The following PLCB1 variants were observed in gnomAD, a reference collection of about 807,000 sequenced individuals.
PLCB1 encodes the protein phospholipase C beta 1.
Under a neutral mutation model 161.8 loss-of-function variants are expected in PLCB1, and 46 were observed. That is an observed-to-expected ratio of 0.28 (90% CI 0.22 to 0.36). PLCB1 has a LOEUF of 0.36. PLCB1 is among the 10% of genes least tolerant of loss of function. The probability of loss-of-function intolerance (pLI) is 1.00; values close to 1 mark genes in which losing one functional copy is unlikely to be tolerated. For synonymous variants in PLCB1, 517 were observed against 503.7 expected (o/e 1.03, Z -0.35); for missense variants, 1,016 against 1,472.5 (o/e 0.69, Z 5.07).
chr20:8,318,701 T>C (rs1257428303), intron 2 of PLCB1, among the ~76,000 whole-genome samples: 2 of 152,184 alleles, frequency 1.3e-5, no homozygotes, highest in African/African-American at 4.8e-5. Context: ...TTTTTTGGGT[T>C]GTGTGACAAT....
Position 8,151,419 on chromosome 20 carries a change from A to G in PLCB1, c.177+1048A>G, listed in dbSNP as rs138298570. Among the ~76,000 whole-genome samples, 5 of 152,300 alleles carry G rather than the reference A, an allele frequency of 3.3e-5. No homozygotes were observed. The East Asian group carries it at 5.8e-4, about 18-fold the overall frequency. ...GCCACTCCTGAATGAGCCTGTTTAC[A>G]CATCATTCAAAAGGTGAATTTCAGT... On this transcript the variant is annotated intron_variant, in intron 2 of 31. Transcript: ENST00000338037.
intron 2 of PLCB1, among the ~76,000 whole-genome samples, chr20:8,310,223 A>G (rs914105431): frequency 1.3e-5 from 2 of 152,318 alleles, no homozygotes; most frequent in East Asian, 1.9e-4. Context: ...AAAGGAAATC[A>G]TGTTTTTAAA....
intron 3 of PLCB1, among the ~76,000 whole-genome samples, chr20:8,458,724 AT>A (rs1327848376): frequency 1.2e-4 from 19 of 152,348 alleles, no homozygotes; most frequent in Admixed American, 1.2e-3. Flanking sequence ...TGAGGTTGTC[AT>A]TCTGGACTCT....
At chr20:8,702,230 G>A (rs1297765919) in intron 11 of PLCB1, among the ~76,000 whole-genome samples, 1 of 152,052 alleles carries the variant, frequency 6.6e-6, no homozygotes, top group Non-Finnish European at 1.5e-5. Context: ...CTGTTTCAAT[G>A]CCTCATCACC....
chr20:8,239,193 A>G (rs1289245554), intron 2 of PLCB1, among the ~76,000 whole-genome samples: 2 of 152,016 alleles, frequency 1.3e-5, no homozygotes, highest in South Asian at 2.1e-4. Context: ...TGGACAGGGA[A>G]CTAACGCCTT....
chr20:8,840,175 C>G (rs1275102901), intron 31 of PLCB1, among the ~76,000 whole-genome samples: 1 of 152,094 alleles, frequency 6.6e-6, no homozygotes, highest in East Asian at 1.9e-4. Context: ...TCACAGGGCC[C>G]CTAAGTACTG....
intron 3 of PLCB1, among the ~76,000 whole-genome samples, chr20:8,534,870 C>T (rs936864179): frequency 2.0e-5 from 3 of 152,006 alleles, no homozygotes; most frequent in Non-Finnish European, 4.4e-5. Context: ...ATCCCTGCTC[C>T]TGAACCACCG....
chr20:8,334,847 T>G (rs6140601), intron 2 of PLCB1, among the ~76,000 whole-genome samples: 1 of 152,248 alleles, frequency 6.6e-6, no homozygotes, highest in East Asian at 1.9e-4. Flanking sequence ...TGCTTTTCCA[T>G]GCATAGCTGC....
chr20:8,617,853 T>C (rs1988077379), intron 3 of PLCB1, among the ~76,000 whole-genome samples: 1 of 152,218 alleles, frequency 6.6e-6, no homozygotes, highest in African/African-American at 2.4e-5. Context: ...TATATATCTT[T>C]TTAATCCCAT....
At chr20:8,149,585 G>A (rs1314965721) in intron 1 of PLCB1, among the ~76,000 whole-genome samples, 1 of 152,124 alleles carries the variant, frequency 6.6e-6, no homozygotes, top group African/African-American at 2.4e-5. Flanking sequence ...GAGTGTTTCA[G>A]TATAAAAATC....
Position 8,847,550 on chromosome 20 carries a change from C to T in PLCB1, c.3424-34072C>T, listed in dbSNP as rs1183812016. Among the ~76,000 whole-genome samples the T allele has an allele frequency of 4.6e-5, 7 of 152,142 alleles. No individual in the cohort carries two copies. The South Asian group carries it at 6.2e-4, about 14-fold the overall frequency. ...CTGACACCAATCTCTTCTCCAACAT[C>T]GGCTGAATGTCGAACCATTCAATTC... On this transcript the variant is annotated intron_variant, in intron 31 of 31. Coordinates refer to ENST00000338037, the MANE Select transcript of PLCB1 (RefSeq NM_015192.4).
chr20:8,264,959 A>T (rs924716063), intron 2 of PLCB1, among the ~76,000 whole-genome samples: 2 of 152,182 alleles, frequency 1.3e-5, no homozygotes, highest in African/African-American at 4.8e-5. Flanking sequence ...TTAGGGGGTC[A>T]GGGAGATAAT....
intron 3 of PLCB1, among the ~76,000 whole-genome samples, chr20:8,603,719 A>C (rs776469103): frequency 2.0e-4 from 31 of 152,216 alleles, no homozygotes; most frequent in South Asian, 6.2e-4. Flanking sequence ...CCTAAGTTTG[A>C]GAACCACTTT....
chr20:8,784,336 GC>G (rs1983378877), intron 27 of PLCB1, among the ~76,000 whole-genome samples: 1 of 152,008 alleles, frequency 6.6e-6, no homozygotes, highest in Non-Finnish European at 1.5e-5. Context: ...ACTGAGAAGG[GC>G]AGATCACGTG....
chr20:8,185,634 T>C (rs2051895444), intron 2 of PLCB1, among the ~76,000 whole-genome samples: 1 of 151,746 alleles, frequency 6.6e-6, no homozygotes, highest in South Asian at 2.1e-4. Flanking sequence ...AAGGAAAATG[T>C]TTACCTTGTG....
At chr20:8,710,157 G>GC in intron 12 of PLCB1, among the ~76,000 whole-genome samples, 1 of 144,182 alleles carries the variant, frequency 6.9e-6, no homozygotes, top group Non-Finnish European at 1.5e-5. Context: ...AAGCATGGTG[G>GC]CATCTGCTCC....
chr20:8,326,702 A>G (rs909595816), intron 2 of PLCB1, among the ~76,000 whole-genome samples: 17 of 152,314 alleles, frequency 1.1e-4, no homozygotes, highest in East Asian at 3.9e-4. Flanking sequence ...AGAAATATGT[A>G]TAAGTCAATG....
At position 8,872,545 on chromosome 20, in the gene PLCB1, G is replaced by A. The variant is rs79132388; in HGVS notation, c.3424-9077G>A. On this transcript the variant is annotated intron_variant, in intron 31 of 31. Coordinates refer to ENST00000338037, the MANE Select transcript of PLCB1 (RefSeq NM_015192.4). ...GGTGTCAGTCCTGCCCTTGGTTGCC[G>A]AGGAACCCGAACATTCTGAATTTGC... 2.3e-3 allele frequency among the ~76,000 whole-genome samples: 350 copies of A among 152,234 alleles called. 13 individuals carry two copies. In the East Asian group the frequency reaches 0.06, roughly 26 times the overall value.
At chr20:8,483,396 C>T (rs181571153) in intron 3 of PLCB1, among the ~76,000 whole-genome samples, 2 of 152,252 alleles carry the variant, frequency 1.3e-5, no homozygotes, top group Admixed American at 6.5e-5. Flanking sequence ...ATATCAGCTT[C>T]AATTATTTAA....
Sources: gnomAD v4.1 joint callset for allele counts (sites outside exome capture counted in the v4.1 genomes callset) on GRCh38, gnomAD v4.1.1 for gene constraint, MANE v1.5 for transcripts, NCBI Gene and HGNC (gene_info 2026-07-23, HGNC 2026-07-21) for gene names.